TCP11L2: variants seen among roughly 807,000 people sequenced by gnomAD.
TCP11L2 encodes the protein t-complex 11 like 2, also known as T-complex protein 11-like protein 2.
Under a neutral mutation model 50.7 loss-of-function variants are expected in TCP11L2, and 39 were observed. The ratio of observed to expected loss-of-function variants is 0.77; its 90% CI spans 0.60 to 1.01. The LOEUF is 1.01. Among genes scored for constraint, TCP11L2 ranks in the 50% least tolerant of loss-of-function variants. The pLI, the probability that TCP11L2 is intolerant of heterozygous loss-of-function variation, is 0.00. For missense variants in TCP11L2, 612 were observed against 614.7 expected (o/e 1.00, Z 0.05); for synonymous variants, 192 against 219.3 (o/e 0.88, Z 1.10).
At chr12:106,322,320 A>G (rs1477361813) in intron 5 of TCP11L2, among the ~76,000 whole-genome samples, 2 of 152,164 alleles carry the variant, frequency 1.3e-5, no homozygotes, top group Non-Finnish European at 2.9e-5. Flanking sequence ...TGGGGAAGAC[A>G]TATGCAATAT....
intron 8 of TCP11L2, among the ~76,000 whole-genome samples, chr12:106,340,197 T>C (rs1467136633): frequency 6.6e-6 from 1 of 152,230 alleles, no homozygotes; most frequent in Admixed American, 6.5e-5. Context: ...AACAAATGCC[T>C]TTTCTAATTA....
intron 5 of TCP11L2, among the ~76,000 whole-genome samples, chr12:106,322,559 T>G (rs557755695): frequency 1.3e-5 from 2 of 152,330 alleles, no homozygotes; most frequent in South Asian, 4.1e-4. Flanking sequence ...GAGGATCTCA[T>G]CTGGCTACAT....
chr12:106,311,728 G>A (rs568284874), intron 2 of TCP11L2, among the ~76,000 whole-genome samples: 7 of 152,162 alleles, frequency 4.6e-5, no homozygotes, highest in Non-Finnish European at 8.8e-5. Context: ...TACTACATTA[G>A]GGGTGTGAGA....
At chr12:106,330,925 T>C (rs2035727762) in intron 6 of TCP11L2, among the ~76,000 whole-genome samples, 1 of 152,226 alleles carries the variant, frequency 6.6e-6, no homozygotes, top group Admixed American at 6.5e-5. Context: ...TGTAGTAATA[T>C]TTAAGTGCCA....
At position 106,332,935 on chromosome 12, in the gene TCP11L2, T is replaced by C. The variant is rs144614506; in HGVS notation, c.773-2704T>C. On this transcript the variant is annotated intron_variant, in intron 6 of 9. Coordinates refer to ENST00000299045, the MANE Select transcript of TCP11L2 (RefSeq NM_152772.3). ...TATGATTCTATTTACATAACATTCT[T>C]GAAGTGACATAGTTTTGGTGATCAG... Among the ~76,000 whole-genome samples the C allele has an allele frequency of 3.5e-3, 538 of 152,304 alleles. 8 individuals carry two copies. The highest frequency in any genetic ancestry group is 0.016 in the East Asian group (85 of 5,180).
chr12:106,329,842 CT>C (rs1427728700), intron 6 of TCP11L2: 5 of 985,996 alleles, frequency 5.1e-6, no homozygotes, highest in Non-Finnish European at 6.0e-6. Flanking sequence ...TCTTTTACAT[CT>C]TTATAAAACA....
chr12:106,333,356 A>G (rs578259210), intron 6 of TCP11L2, among the ~76,000 whole-genome samples: 1 of 152,346 alleles, frequency 6.6e-6, no homozygotes, highest in East Asian at 1.9e-4. Flanking sequence ...ACTGTGATAC[A>G]TAAGTCGGTG....
intron 8 of TCP11L2, among the ~76,000 whole-genome samples, chr12:106,340,054 G>A (rs897348510): frequency 1.3e-5 from 2 of 152,104 alleles, no homozygotes; most frequent in African/African-American, 4.8e-5. Context: ...GTTCCAACTC[G>A]CTCCGTTATA....
intron 2 of TCP11L2, among the ~76,000 whole-genome samples, chr12:106,311,733 G>A (rs151169824): frequency 3.3e-5 from 5 of 152,258 alleles, no homozygotes; most frequent in African/African-American, 1.2e-4. Context: ...CATTAGGGGT[G>A]TGAGAAAGAG....
At chr12:106,321,977 C>A (rs1456563435) in intron 5 of TCP11L2, among the ~76,000 whole-genome samples, 1 of 152,148 alleles carries the variant, frequency 6.6e-6, no homozygotes, top group Non-Finnish European at 1.5e-5. Flanking sequence ...TCCAGGGAGT[C>A]TAATGGGCAG....
At chr12:106,338,881 C>A (rs1277638132) in intron 8 of TCP11L2, among the ~76,000 whole-genome samples, 1 of 152,186 alleles carries the variant, frequency 6.6e-6, no homozygotes, top group Non-Finnish European at 1.5e-5. Flanking sequence ...TGGCTCACAC[C>A]TGTAATCCCA....
upstream of TCP11L2, among the ~76,000 whole-genome samples, chr12:106,302,460 C>G (rs1320186693): frequency 6.7e-6 from 1 of 149,996 alleles, no homozygotes; most frequent in Admixed American, 6.6e-5. Context: ...GGCCCCGCCC[C>G]CAACGCCGGG....
In TCP11L2 at chr12:106,331,000, C is replaced by T. The variant is rs182857956; in HGVS notation, c.773-4639C>T. Among the ~76,000 whole-genome samples, 183 of 152,130 alleles carry T rather than the reference C, an allele frequency of 1.2e-3. 1 individual carries two copies. The highest frequency in any genetic ancestry group is 4.1e-4 in the Non-Finnish European group (28 of 67,990). On this transcript the variant is annotated intron_variant, in intron 6 of 9. Coordinates refer to ENST00000299045, the MANE Select transcript of TCP11L2 (RefSeq NM_152772.3). Reference sequence around the variant, plus strand: ...TTTCCAGTGATACATATTTTTTATCCAGAAGAATTGAACTTGATAAACTTG... The same window carrying T: ...TTTCCAGTGATACATATTTTTTATCTAGAAGAATTGAACTTGATAAACTTG...
chr12:106,298,470 G>A (rs1296076442), upstream of TCP11L2, among the ~76,000 whole-genome samples: 3 of 152,114 alleles, frequency 2.0e-5, no homozygotes, highest in African/African-American at 7.2e-5. Context: ...ATGGACAGGG[G>A]AGAGAAAAGA....
rs1462216017 is a variant in TCP11L2 at position 106,311,098 on chromosome 12, A to AGT, written c.29_30dup (p.Gly11TrpfsTer51). ...AAAATGCCCTTCAATGGCGAGAAGC[A>AGT]GTGTGTGGGAGAGGACCAGCCAAGC... On this transcript the variant is annotated frameshift_variant, in exon 2 of 10. Transcript: ENST00000299045. LOFTEE classifies it high-confidence loss of function. 1 of 1,614,052 alleles carries AGT rather than the reference A, an allele frequency of 6.2e-7. No individual in the cohort carries two copies. The highest frequency in any genetic ancestry group is 8.5e-7 in the Non-Finnish European group (1 of 1,180,024).
In TCP11L2 at chr12:106,318,440, C is replaced by G. The variant is rs2035186281; in HGVS notation, c.390C>G (p.Ile130Met). The G allele has an allele frequency of 1.2e-6, 2 of 1,613,872 alleles. No individual in the cohort carries two copies. The highest frequency in any genetic ancestry group is 2.7e-5 in the African/African-American group (2 of 74,928). Residue 130 changes from isoleucine to methionine, a missense_variant, in exon 4 of 10, where the codon ATC becomes ATG. By Grantham distance (10) the Ile-to-Met change is conservative (BLOSUM62 1). Coordinates refer to ENST00000299045, the MANE Select transcript of TCP11L2 (RefSeq NM_152772.3). ...NADPPEFEHA[I>M]KLFEEIREIL... ...ACCCTCCTGAGTTTGAACATGCCAT[C>G]AAACTGTTTGAAGAAATCAGAGAGG...
chr12:106,344,339 T>C (rs2036172333), intron 9 of TCP11L2, among the ~76,000 whole-genome samples: 1 of 152,068 alleles, frequency 6.6e-6, no homozygotes. Flanking sequence ...AGACCAAGAA[T>C]ATAAAGATAA....
chr12:106,321,339 G>C, intron 4 of TCP11L2, 147 bp from the exon 5 acceptor site: 1 of 660,450 alleles, frequency 1.5e-6, no homozygotes, highest in Middle Eastern at 3.9e-4. Flanking sequence ...ATGCTCCTCT[G>C]ATCCACCCAT....
intron 1 of TCP11L2, among the ~76,000 whole-genome samples, chr12:106,309,990 G>A (rs1357059141): frequency 1.3e-5 from 2 of 152,098 alleles, no homozygotes; most frequent in Non-Finnish European, 2.9e-5. Context: ...TCCAGGATTT[G>A]AGGTGCCTTT....
Sources: gnomAD v4.1 joint callset for allele counts (sites outside exome capture counted in the v4.1 genomes callset) on GRCh38, gnomAD v4.1.1 for gene constraint, MANE v1.5 for transcripts, NCBI Gene and HGNC (gene_info 2026-07-23, HGNC 2026-07-21) for gene names.